Variants in COG5 observed in about 807,000 individuals in gnomAD.
The protein encoded by COG5 is conserved oligomeric Golgi complex subunit 5.
COG5 carries 86 observed loss-of-function variants against 110.4 expected under a neutral mutation model. The ratio of observed to expected loss-of-function variants is 0.78; its 90% CI spans 0.65 to 0.93. The LOEUF is 0.93. Ranked by LOEUF, COG5 falls within the 40% of genes least tolerant of loss-of-function variation. The probability of loss-of-function intolerance (pLI) is 0.00; values close to 1 mark genes in which losing one functional copy is unlikely to be tolerated. For synonymous variants in COG5, 360 were observed against 334.6 expected, an observed-to-expected ratio of 1.08 and a Z score of -0.83; for missense variants, 1,077 against 987.0, an observed-to-expected ratio of 1.09 and a Z score of -1.22.
intron 9 of COG5, 95 bp downstream of exon 9, chr7:107,362,213 G>C (rs1813180007): frequency 1.5e-6 from 2 of 1,327,152 alleles, no homozygotes; most frequent in East Asian, 2.4e-5. Context: ...TATTTTGAAT[G>C]CTCATTGATT....
Position 107,325,740 on chromosome 7 carries a change from A to G in COG5, c.1027-1219T>C, listed in dbSNP as rs545168340. On this transcript the variant is annotated intron_variant, in intron 10 of 21. Transcript: ENST00000297135. ...ATATTGCTACAGTCCCAAAAATAAA[A>G]TTATAATTTTGGACAAGTGAACAAA... Among the ~76,000 whole-genome samples, 8 of 152,320 alleles carry G rather than the reference A, an allele frequency of 5.3e-5. No individual in the cohort carries two copies. In the South Asian group the frequency reaches 1.7e-3, roughly 32 times the overall value.
chr7:107,207,845 G>T lies in COG5; in HGVS notation c.2375+2681C>A. 3.0e-6 allele frequency: 3 copies of T among 985,416 alleles called. No individual in the cohort carries two copies. The South Asian group carries it at 1.4e-4, about 46-fold the overall frequency. 61.0% of individuals were successfully genotyped at this position (985,416 alleles called of 1,614,324 possible). Reference sequence around the variant, plus strand: ...GGTGTCAGAAGAAAACAGGAAGGCAGGATGGTTCACTATTTCCCATTTATT... The same window carrying T: ...GGTGTCAGAAGAAAACAGGAAGGCATGATGGTTCACTATTTCCCATTTATT... On this transcript the variant is annotated intron_variant, in intron 21 of 21. Transcript: ENST00000297135.
chr7:107,279,375 C>T (rs1166686631), intron 14 of COG5, among the ~76,000 whole-genome samples: 1 of 152,138 alleles, frequency 6.6e-6, no homozygotes, highest in Non-Finnish European at 1.5e-5. Flanking sequence ...ATTTAGTTTT[C>T]ATACCAAATC....
At chr7:107,225,229 T>C (rs1800245106) in intron 19 of COG5, among the ~76,000 whole-genome samples, 1 of 152,220 alleles carries the variant, frequency 6.6e-6, no homozygotes, top group South Asian at 2.1e-4. Context: ...TTTTGGCTGT[T>C]TGGCTGCCTG....
intron 19 of COG5, among the ~76,000 whole-genome samples, chr7:107,218,996 T>C (rs1199538850): frequency 6.6e-6 from 1 of 151,882 alleles, no homozygotes; most frequent in Non-Finnish European, 1.5e-5. Context: ...AACACAAAAA[T>C]GGCAAGAAAA....
intron 14 of COG5, among the ~76,000 whole-genome samples, chr7:107,271,795 T>C (rs1465085965): frequency 6.7e-6 from 1 of 148,454 alleles, no homozygotes; most frequent in Non-Finnish European, 1.5e-5. Context: ...TAATTTGCCC[T>C]TTTTTTTCCT....
Position 107,236,520 on chromosome 7 carries a change from A to G in COG5, c.2021T>C (p.Ile674Thr), listed in dbSNP as rs933746900. Reference protein sequence around the residue: ...AIAQRAVELFIRHASLIRPLG... With the variant: ...AIAQRAVELFTRHASLIRPLG... The stretch of plus-strand genomic sequence containing the variant: ...AGGTCTTATGAGACTGGCATGGCGG[A>G]TAAAAAGTTCAACAGCTCTTTGGGC... Residue 674 changes from isoleucine (I) to threonine (T), a missense_variant, in exon 18 of 22, where the codon ATC (isoleucine) becomes ACC (threonine). Coordinates refer to ENST00000297135, the MANE Select transcript of COG5 (RefSeq NM_006348.5). 5.6e-6 allele frequency: 9 copies of G among 1,614,084 alleles called. No individual in the cohort carries two copies. In the African/African-American group the frequency reaches 1.2e-4, roughly 22 times the overall value.
intron 6 of COG5, among the ~76,000 whole-genome samples, chr7:107,517,997 C>G (rs1800059323): frequency 6.6e-6 from 1 of 152,062 alleles, no homozygotes; most frequent in Non-Finnish European, 1.5e-5. Flanking sequence ...CGCCTGGCCT[C>G]AGCATTCTTA....
chr7:107,409,113 C>G (rs373108516), intron 7 of COG5, among the ~76,000 whole-genome samples: 1 of 147,682 alleles, frequency 6.8e-6, no homozygotes, highest in Admixed American at 6.9e-5. Flanking sequence ...TGGGAATATA[C>G]GAGATCATCA....
At chr7:107,496,380 T>A (rs762075388) in intron 6 of COG5, among the ~76,000 whole-genome samples, 1 of 152,050 alleles carries the variant, frequency 6.6e-6, no homozygotes, top group Non-Finnish European at 1.5e-5. Context: ...ATCAACTGAC[T>A]GGGCACAGTG....
chr7:107,462,562 G>A (rs1186573032), intron 6 of COG5, among the ~76,000 whole-genome samples: 2 of 145,442 alleles, frequency 1.4e-5, no homozygotes, highest in Non-Finnish European at 3.0e-5. Context: ...ACCCCAATAT[G>A]CTTTGAGCAC....
chr7:107,535,990 GGCTGGTTC>G (rs1208798361), intron 5 of COG5, among the ~76,000 whole-genome samples: 1 of 152,156 alleles, frequency 6.6e-6, no homozygotes, highest in Non-Finnish European at 1.5e-5. Flanking sequence ...TGGGATGCAA[GGCTGGTTC>G]AACATATGCA....
chr7:107,311,831 T>C (rs948502375), intron 11 of COG5, among the ~76,000 whole-genome samples: 1 of 152,064 alleles, frequency 6.6e-6, no homozygotes, highest in African/African-American at 2.4e-5. Context: ...TTTTTTTTGC[T>C]CAAGGTTTTT....
intron 3 of COG5, 83 bp from the exon 4 acceptor site, chr7:107,548,415 T>G: frequency 7.8e-7 from 1 of 1,276,218 alleles, no homozygotes; most frequent in Non-Finnish European, 1.1e-6. Flanking sequence ...AGAAAATACA[T>G]GCATATATAA....
chr7:107,258,073 T>G (rs561274132), intron 15 of COG5, among the ~76,000 whole-genome samples, 200 bp downstream of exon 15: 3 of 152,270 alleles, frequency 2.0e-5, no homozygotes, highest in East Asian at 3.9e-4. Flanking sequence ...TTAAACTGAA[T>G]GTACAAACAA....
chr7:107,316,049 A>G (rs1194615666), intron 11 of COG5, among the ~76,000 whole-genome samples: 1 of 152,222 alleles, frequency 6.6e-6, no homozygotes, highest in Non-Finnish European at 1.5e-5. Flanking sequence ...TTTCAATAGA[A>G]TGATGGAAGA....
At chr7:107,481,717 C>T (rs956655720) in intron 6 of COG5, among the ~76,000 whole-genome samples, 2 of 152,036 alleles carry the variant, frequency 1.3e-5, no homozygotes, top group African/African-American at 4.8e-5. Flanking sequence ...TCTTAAAAAG[C>T]TTTGTCTTTT....
chr7:107,376,533 A>C (rs1240405762), intron 7 of COG5, among the ~76,000 whole-genome samples: 1 of 151,812 alleles, frequency 6.6e-6, no homozygotes, highest in Non-Finnish European at 1.5e-5. Context: ...TTTGATATAA[A>C]TTGTATGTTT....
intron 14 of COG5, 42 bp from the exon 15 acceptor site, chr7:107,258,425 TTCTCTCTCTC>T (rs71134258): frequency 7.0e-5 from 62 of 886,510 alleles, no homozygotes; most frequent in South Asian, 3.1e-4. Context: ...AGAATGATAA[TTCTCTCTCTC>T]TCTCTCTCTC....
Sources: gnomAD v4.1 joint callset for allele counts (sites outside exome capture counted in the v4.1 genomes callset) on GRCh38, gnomAD v4.1.1 for gene constraint, MANE v1.5 for transcripts, NCBI Gene and HGNC (gene_info 2026-07-23, HGNC 2026-07-21) for gene names.